Variants in RPTOR observed in about 807,000 individuals in gnomAD.
RPTOR encodes regulatory associated protein of MTOR complex 1.
RPTOR carries 21 observed loss-of-function variants against 169.9 expected under a neutral mutation model. The ratio of observed to expected loss-of-function variants is 0.12; its 90% CI spans 0.09 to 0.18. The LOEUF (loss-of-function observed/expected upper bound fraction) is 0.18. RPTOR is among the 10% of genes least tolerant of loss of function. The pLI is 1.00. For missense variants in RPTOR, 1,133 were observed against 1,855.9 expected, an observed-to-expected ratio of 0.61 and a Z score of 7.16; for synonymous variants, 732 against 753.2, an observed-to-expected ratio of 0.97 and a Z score of 0.46.
chr17:80,604,871 T>C (rs1441768885), intron 1 of RPTOR, among the ~76,000 whole-genome samples: 1 of 152,106 alleles, frequency 6.6e-6, no homozygotes, highest in Admixed American at 6.5e-5. Flanking sequence ...CACGTGGAAA[T>C]TATGGGAGCT....
At chr17:80,925,334 C>T (rs2068798735) in intron 23 of RPTOR, 36 bp from the exon 24 acceptor site, 4 of 1,584,172 alleles carry the variant, frequency 2.5e-6, no homozygotes, top group Non-Finnish European at 3.5e-6. Context: ...ACTGGTGTTT[C>T]TTTTTCCTTC....
intron 1 of RPTOR, among the ~76,000 whole-genome samples, chr17:80,603,879 G>A (rs2065209513): frequency 1.3e-5 from 2 of 152,330 alleles, no homozygotes; most frequent in South Asian, 4.1e-4. Flanking sequence ...CAGGAAAGCA[G>A]GCATTCAGCA....
intron 28 of RPTOR, among the ~76,000 whole-genome samples, chr17:80,953,234 C>T (rs1243992668): frequency 1.3e-5 from 2 of 152,174 alleles, no homozygotes; most frequent in African/African-American, 2.4e-5. Context: ...CTCCAGAAGG[C>T]GGCCTGCTGC....
At chr17:80,567,065 G>A (rs886862532) in intron 1 of RPTOR, among the ~76,000 whole-genome samples, 11 of 151,542 alleles carry the variant, frequency 7.3e-5, no homozygotes, top group African/African-American at 2.4e-4. Flanking sequence ...CTGTCTCCCA[G>A]GCTCAAGCGA....
chr17:80,629,866 C>T (rs1450736702), intron 2 of RPTOR, among the ~76,000 whole-genome samples: 12 of 151,548 alleles, frequency 7.9e-5, no homozygotes, highest in African/African-American at 2.9e-4. Flanking sequence ...TTCCGTGTGT[C>T]TGTCTCTTCT....
chr17:80,795,779 T>G (rs1031129863), intron 7 of RPTOR, among the ~76,000 whole-genome samples: 3 of 152,112 alleles, frequency 2.0e-5, no homozygotes, highest in African/African-American at 7.2e-5. Context: ...TCCTGCAGAA[T>G]GGACACCACT....
chr17:80,964,779 C>T lies in RPTOR; in HGVS notation c.*449C>T, dbSNP rs1598430528. 1.2e-5 allele frequency: 3 copies of T among 244,558 alleles called. No individual in the cohort carries two copies. Among genetic ancestry groups the T allele is most frequent in the African/African-American group, 2.2e-5 (1 of 45,702 alleles). 15.1% of individuals were successfully genotyped at this position (244,558 alleles called of 1,614,324 possible). On this transcript the variant is annotated 3_prime_UTR_variant, in exon 34 of 34. Transcript: ENST00000306801. Reference sequence around the variant, plus strand: ...CTGTCCCCATCAGGCCAAGAGCGAGCGAGAGGCGCTGCCCCAGCCAGGCCC... The same window carrying T: ...CTGTCCCCATCAGGCCAAGAGCGAGTGAGAGGCGCTGCCCCAGCCAGGCCC...
intron 1 of RPTOR, among the ~76,000 whole-genome samples, chr17:80,625,248 A>G (rs986351229): frequency 3.3e-5 from 5 of 152,260 alleles, no homozygotes; most frequent in African/African-American, 4.8e-5. Context: ...AACTAAATCA[A>G]TACGACAGCT....
At chr17:80,953,881 G>A (rs536287612) in intron 28 of RPTOR, among the ~76,000 whole-genome samples, 19 of 152,338 alleles carry the variant, frequency 1.2e-4, no homozygotes, top group Non-Finnish European at 2.5e-4. Context: ...GGAGGAGCAG[G>A]GCTGCAAGTT....
At chr17:80,900,121 C>A (rs573985889) in intron 20 of RPTOR, among the ~76,000 whole-genome samples, 2 of 152,054 alleles carry the variant, frequency 1.3e-5, no homozygotes, top group African/African-American at 2.4e-5. Flanking sequence ...CCAAGGGGAC[C>A]GGCGTTTACT....
At chr17:80,834,061 T>TTAAA (rs376626332) in intron 9 of RPTOR, among the ~76,000 whole-genome samples, 4 of 152,194 alleles carry the variant, frequency 2.6e-5, no homozygotes, top group East Asian at 1.9e-4. Context: ...TGTAATTTGG[T>TTAAA]TAAATAAATA....
chr17:80,756,539 A>G (rs1355918562), intron 6 of RPTOR, among the ~76,000 whole-genome samples: 3 of 152,234 alleles, frequency 2.0e-5, no homozygotes, highest in Non-Finnish European at 2.9e-5. Context: ...GAGATGGTGG[A>G]ATAGAAGCCT....
At position 80,845,080 on chromosome 17, in the gene RPTOR, C is replaced by T. The variant is rs2067713148; in HGVS notation, c.1213-1393C>T. 6.6e-6 allele frequency among the ~76,000 whole-genome samples: 1 copy of T among 151,892 alleles called. No homozygotes were observed. Among genetic ancestry groups the T allele is most frequent in the South Asian group, 2.1e-4 (1 of 4,818 alleles). On this transcript the variant is annotated intron_variant, in intron 10 of 33. Coordinates refer to ENST00000306801, the MANE Select transcript of RPTOR (RefSeq NM_020761.3). This position sits in a 1 kb window ranked among gnomAD's most constrained non-coding sequence, Gnocchi z 5.4. ...GTGGAGGGAATCAGGCCGGACTGCTCCTGCCTGGCCGCTCAGTTCCGAGAC... is the reference window on the plus strand; with the variant it reads ...GTGGAGGGAATCAGGCCGGACTGCTTCTGCCTGGCCGCTCAGTTCCGAGAC...
At chr17:80,842,003 GCAGCTCACTCTCACCA>G (rs1195491610) in intron 10 of RPTOR, among the ~76,000 whole-genome samples, 3 of 151,242 alleles carry the variant, frequency 2.0e-5, no homozygotes, top group African/African-American at 4.9e-5. Flanking sequence ...TCACCCCACC[GCAGCTCACTCTCACCA>G]CACGGCAGCT....
chr17:80,700,645 G>A, intron 3 of RPTOR, among the ~76,000 whole-genome samples: 1 of 150,732 alleles, frequency 6.6e-6, no homozygotes, highest in Non-Finnish European at 1.5e-5. Flanking sequence ...TGATGGTGGT[G>A]GTGATGGTAG....
At position 80,754,123 on chromosome 17, in the gene RPTOR, C is replaced by T. The variant is rs369427823; in HGVS notation, c.768C>T (p.Pro256=). Residue 256 remains proline (P), a synonymous_variant, in exon 6 of 34, where the codon CCC becomes CCT. Transcript: ENST00000306801. This position sits in a 1 kb window ranked among gnomAD's most constrained non-coding sequence, Gnocchi z 4.2. The part of the protein sequence containing the change: ...CEATELLPMI[P]DLPADLFTSC... ...CCACCGAGCTGCTGCCCATGATCCCCGACCTCCCGGCTGACCTATTCACCT... is the reference window on the plus strand; with the variant it reads ...CCACCGAGCTGCTGCCCATGATCCCTGACCTCCCGGCTGACCTATTCACCT... The T allele has an allele frequency of 2.1e-5, 34 of 1,613,704 alleles. No homozygotes were observed. The African/African-American group carries it at 2.7e-4, about 13-fold the overall frequency.
At chr17:80,773,373 A>G (rs1274779217) in intron 6 of RPTOR, among the ~76,000 whole-genome samples, 3 of 152,218 alleles carry the variant, frequency 2.0e-5, no homozygotes. Context: ...GTGGGTTTTA[A>G]TATCCACGTT....
At chr17:80,799,761 G>T (rs1026380810) in intron 7 of RPTOR, among the ~76,000 whole-genome samples, 1 of 147,946 alleles carries the variant, frequency 6.8e-6, no homozygotes, top group Non-Finnish European at 1.5e-5. Flanking sequence ...CCCAGCGGCC[G>T]CCCTGCACAC....
At chr17:80,634,366 CATACTGTGTGTGTG>C (rs1183243174) in intron 2 of RPTOR, among the ~76,000 whole-genome samples, 6 of 61,286 alleles carry the variant, frequency 9.8e-5, no homozygotes, top group African/African-American at 4.2e-4. Flanking sequence ...ACTGTGTGTG[CATACTGTGTGTGTG>C]CATACTGTGT....
Sources: allele counts gnomAD v4.1 joint callset (sites outside exome capture counted in the v4.1 genomes callset), GRCh38; gene constraint gnomAD v4.1.1; non-coding constraint Gnocchi (gnomAD v3.1); transcripts MANE v1.5; gene names NCBI Gene and HGNC (gene_info 2026-07-23, HGNC 2026-07-21).